CPLANE1: variants seen among roughly 807,000 people sequenced by gnomAD.
The protein encoded by CPLANE1 is ciliogenesis and planar polarity effector 1.
CPLANE1 carries 263 observed loss-of-function variants against 362.5 expected under a neutral mutation model. The observed-to-expected ratio is 0.73, with a 90% confidence interval of 0.66 to 0.80. The LOEUF is 0.80. CPLANE1 is among the 30% of genes least tolerant of loss of function. The pLI, the probability that CPLANE1 is intolerant of heterozygous loss-of-function variation, is 0.00. For synonymous variants in CPLANE1, 1,212 were observed against 1,302.6 expected (o/e 0.93, Z 1.50); for missense variants, 3,461 against 3,793.4 (o/e 0.91, Z 2.30).
intron 15 of CPLANE1, among the ~76,000 whole-genome samples, chr5:37,215,113 G>A (rs369982582): frequency 6.6e-6 from 1 of 151,938 alleles, no homozygotes; most frequent in Non-Finnish European, 1.5e-5. Flanking sequence ...GCAATGGTGC[G>A]ATCTCAGCTC....
chr5:37,141,587 T>G, intron 44 of CPLANE1: 3 of 960,478 alleles, frequency 3.1e-6, no homozygotes, highest in Non-Finnish European at 3.7e-6. Flanking sequence ...AAAATAGCAT[T>G]TTTACTGTTT....
intron 8 of CPLANE1, among the ~76,000 whole-genome samples, chr5:37,235,567 CTTTTTTTTTT>C (rs546612161): frequency 8.6e-5 from 8 of 93,358 alleles, no homozygotes; most frequent in South Asian, 3.8e-4. Context: ...TATCTAATTT[CTTTTTTTTTT>C]TTTTTTTTTT....
Position 37,186,359 on chromosome 5 carries a change from A to C in CPLANE1, c.4116T>G (p.Pro1372=), listed in dbSNP as rs1344717315. 2.5e-6 allele frequency: 4 copies of C among 1,603,876 alleles called. No homozygotes were observed. The highest frequency in any genetic ancestry group is 3.4e-6 in the Non-Finnish European group (4 of 1,171,558). ...CTCTTAAAGGAACCCTCACGTCCTC[A>C]GGATAGGGAAATGCTTTCACGAAAA... ...AEIFVKAFPY[P]EDVRVPLRDK... is the part of the protein sequence containing the mutation. The change falls in exon 24 of 53, where the codon CCT becomes CCG. Residue 1372 remains proline (P), a synonymous_variant. Coordinates refer to ENST00000651892, the MANE Select transcript of CPLANE1 (RefSeq NM_001384732.1).
chr5:37,157,285 G>T, intron 41 of CPLANE1, 28 bp downstream of exon 41: 1 of 1,260,670 alleles, frequency 7.9e-7, no homozygotes, highest in Non-Finnish European at 1.1e-6. Flanking sequence ...TTCAGGAGAG[G>T]GTCATGCTAT....
At chr5:37,178,727 G>A (rs996173042) in intron 29 of CPLANE1, among the ~76,000 whole-genome samples, 16 of 151,914 alleles carry the variant, frequency 1.1e-4, no homozygotes, top group South Asian at 2.1e-4. Context: ...GTATATATAT[G>A]TATAAAAAGT....
intron 44 of CPLANE1, chr5:37,140,589 AT>A: frequency 1.0e-6 from 1 of 985,434 alleles, no homozygotes; most frequent in Non-Finnish European, 1.2e-6. Flanking sequence ...TTCTATCAGT[AT>A]TTGAGAGGCC....
intron 46 of CPLANE1, among the ~76,000 whole-genome samples, chr5:37,137,871 G>A (rs1377221398): frequency 6.6e-6 from 1 of 151,758 alleles, no homozygotes; most frequent in Non-Finnish European, 1.5e-5. Context: ...TTCAAGCTGA[G>A]ATTTGGATGG....
chr5:37,128,845 TCAAAAAAAAC>T (rs1183254667), intron 46 of CPLANE1, among the ~76,000 whole-genome samples: 5 of 145,616 alleles, frequency 3.4e-5, no homozygotes, highest in African/African-American at 7.7e-5. Flanking sequence ...GGCAACTCTG[TCAAAAAAAAC>T]CAAAAAAAAA....
intron 32 of CPLANE1, among the ~76,000 whole-genome samples, chr5:37,173,444 G>A (rs1470912266): frequency 6.6e-6 from 1 of 152,052 alleles, no homozygotes; most frequent in Admixed American, 6.6e-5. Flanking sequence ...GGGCCCTAGA[G>A]GTCTTTTTTT....
intron 49 of CPLANE1, among the ~76,000 whole-genome samples, chr5:37,120,738 T>G (rs1454813505): frequency 1.3e-5 from 2 of 152,230 alleles, no homozygotes; most frequent in Non-Finnish European, 1.5e-5. Flanking sequence ...TTTTTGTGGT[T>G]ATCTCACTCT....
At chr5:37,222,326 G>A (rs1175023193) in intron 14 of CPLANE1, among the ~76,000 whole-genome samples, 1 of 152,156 alleles carries the variant, frequency 6.6e-6, no homozygotes, top group African/African-American at 2.4e-5. Context: ...TCCAACCTTT[G>A]TCCTATTTGC....
the CPLANE1 span, among the ~76,000 whole-genome samples, chr5:37,083,624 G>A: frequency 6.6e-6 from 1 of 152,258 alleles, no homozygotes; most frequent in East Asian, 1.9e-4. Context: ...ACACAGAAAT[G>A]CAAAATGCTC....
intron 3 of CPLANE1, 26 bp from the exon 4 acceptor site, chr5:37,245,624 C>T (rs1739378439): frequency 6.7e-7 from 1 of 1,501,570 alleles, no homozygotes; most frequent in Non-Finnish European, 8.9e-7. Context: ...AAATGCAATA[C>T]TTACAATCTA....
chr5:37,096,050 C>A, the CPLANE1 span, among the ~76,000 whole-genome samples: 2 of 152,174 alleles, frequency 1.3e-5, no homozygotes, highest in Non-Finnish European at 2.9e-5. Flanking sequence ...ATACCACAAT[C>A]ATTCTTCACA....
chr5:37,094,697 CAAGAA>C, the CPLANE1 span, among the ~76,000 whole-genome samples: 1 of 151,788 alleles, frequency 6.6e-6, no homozygotes, highest in Non-Finnish European at 1.5e-5. Context: ...CAAGATTAAC[CAAGAA>C]AAGAAGAGAG....
downstream of CPLANE1, among the ~76,000 whole-genome samples, chr5:37,105,326 A>G (rs559614369): frequency 2.3e-4 from 33 of 140,524 alleles, no homozygotes; most frequent in Non-Finnish European, 5.0e-4. Flanking sequence ...CAAAAACAAA[A>G]ACAAAACAAA....
chr5:37,109,503 C>T (rs1176135064), intron 51 of CPLANE1, among the ~76,000 whole-genome samples: 1 of 152,162 alleles, frequency 6.6e-6, no homozygotes, highest in Non-Finnish European at 1.5e-5. Context: ...CTCTCTAAAA[C>T]CTGTACCTCC....
chr5:37,184,524 A>G (rs903024169), intron 25 of CPLANE1, among the ~76,000 whole-genome samples: 1 of 152,222 alleles, frequency 6.6e-6, no homozygotes, highest in African/African-American at 2.4e-5. Flanking sequence ...AGTGAAGTGT[A>G]GAATTTCATC....
chr5:37,166,367 T>C (rs1778241380), intron 35 of CPLANE1, among the ~76,000 whole-genome samples: 1 of 152,140 alleles, frequency 6.6e-6, no homozygotes, highest in Non-Finnish European at 1.5e-5. Flanking sequence ...GGTAAGATGA[T>C]TGGTTCAAAG....
Sources: gnomAD v4.1 joint callset for allele counts (sites outside exome capture counted in the v4.1 genomes callset) on GRCh38, gnomAD v4.1.1 for gene constraint, MANE v1.5 for transcripts, NCBI Gene and HGNC (gene_info 2026-07-23, HGNC 2026-07-21) for gene names.